TNS3: variants seen among roughly 807,000 people sequenced by gnomAD.
The protein encoded by TNS3 is tensin 3, also known as tensin-3.
In TNS3, 45 loss-of-function variants were observed where a neutral mutation model predicts 140.9. The ratio of observed to expected loss-of-function variants is 0.32; its 90% confidence interval spans 0.25 to 0.41. The LOEUF (loss-of-function observed/expected upper bound fraction) is 0.41. Ranked by LOEUF, TNS3 falls within the 10% of genes least tolerant of loss-of-function variation. TNS3 has a pLI of 1.00. For missense variants in TNS3, 1,716 were observed against 1,906.7 expected, an observed-to-expected ratio of 0.90 and a Z score of 1.86; for synonymous variants, 815 against 788.4, an observed-to-expected ratio of 1.03 and a Z score of -0.56.
intron 17 of TNS3, among the ~76,000 whole-genome samples, chr7:47,358,621 A>G (rs2151076410): frequency 6.6e-6 from 1 of 152,342 alleles, no homozygotes; most frequent in African/African-American, 2.4e-5. Flanking sequence ...GGGAGCCGGC[A>G]GTGCTCTCGG....
At chr7:47,299,056 AACCCTGAATTCTGGTGC>A (rs1386305702) in intron 23 of TNS3, among the ~76,000 whole-genome samples, 4 of 152,242 alleles carry the variant, frequency 2.6e-5, no homozygotes, top group Non-Finnish European at 5.9e-5. Flanking sequence ...CCTGGGAATA[AACCCTGAATTCTGGTGC>A]ACGTTTTCTC....
At chr7:47,498,875 G>A (rs1014932632) in intron 3 of TNS3, among the ~76,000 whole-genome samples, 6 of 152,182 alleles carry the variant, frequency 3.9e-5, no homozygotes, top group African/African-American at 7.2e-5. Flanking sequence ...ATAAAGCCCC[G>A]CAGATGCCGA....
chr7:47,333,831 A>G (rs1230123063), intron 20 of TNS3, among the ~76,000 whole-genome samples: 1 of 152,248 alleles, frequency 6.6e-6, no homozygotes, highest in Non-Finnish European at 1.5e-5. Flanking sequence ...ATTCTGAATT[A>G]AAAAACTAAA....
rs764049997 is a variant in TNS3, at chr7:47,368,818, G to A, written c.1828C>T (p.Arg610Trp). 1.6e-5 allele frequency: 25 copies of A among 1,611,756 alleles called. No homozygotes were observed. Among genetic ancestry groups the A allele is most frequent in the African/African-American group, 2.7e-5 (2 of 74,912 alleles). Reference protein sequence around the residue: ...QYSFAPDGEARLVSRCPADNP... With the variant: ...QYSFAPDGEAWLVSRCPADNP... Reference sequence around the variant, plus strand: ...TCTGCAGGGCAGCGGCTCACCAGCCGGGCCTCCCCATCTGGGGCGAAGCTA... The same window carrying A: ...TCTGCAGGGCAGCGGCTCACCAGCCAGGCCTCCCCATCTGGGGCGAAGCTA... The change falls in exon 17 of 31, where the codon CGG becomes TGG. Residue 610 changes from arginine to tryptophan, a missense_variant. Arg to Trp is a moderately radical substitution (Grantham distance 101). Around this residue, in one of 3 missense-constraint regions of TNS3, gnomAD observed 1,163 missense variants for 1,182.1 expected, o/e 0.98. Transcript: ENST00000311160.
At chr7:47,519,986 C>T (rs1184157544) in intron 2 of TNS3, among the ~76,000 whole-genome samples, 1 of 151,820 alleles carries the variant, frequency 6.6e-6, no homozygotes, top group Non-Finnish European at 1.5e-5. Context: ...ACCACACCTG[C>T]TAATTTTTTG....
Position 47,368,747 on chromosome 7 carries a change from G to T in TNS3, c.1899C>A (p.Pro633=), listed in dbSNP as rs1790863251. The T allele has an allele frequency of 6.3e-7, 1 of 1,583,128 alleles. No individual in the cohort carries two copies. Among genetic ancestry groups the T allele is most frequent in the Non-Finnish European group, 8.6e-7 (1 of 1,164,464 alleles). Reference sequence around the variant, plus strand: ...CCACCCTACTGCTGGTCCCTCGGGTGGGGGTGAGTGGCACTCTGGGCTGGG... The same window carrying T: ...CCACCCTACTGCTGGTCCCTCGGGTTGGGGTGAGTGGCACTCTGGGCTGGG... ...VQAQPRVPLT[P]TRGTSSRVAV... The change falls in exon 17 of 31, where the codon CCC becomes CCA. Residue 633 remains proline (P), a synonymous_variant. Transcript: ENST00000311160.
At chr7:47,578,002 A>G (rs1800713365) in intron 1 of TNS3, among the ~76,000 whole-genome samples, 1 of 151,510 alleles carries the variant, frequency 6.6e-6, no homozygotes, top group Non-Finnish European at 1.5e-5. Flanking sequence ...AGAGTAGTAG[A>G]CTACTGCCTT....
At chr7:47,545,903 C>A (rs934783287) in intron 1 of TNS3, among the ~76,000 whole-genome samples, 1 of 152,202 alleles carries the variant, frequency 6.6e-6, no homozygotes, top group Admixed American at 6.5e-5. Context: ...AAACTCCACC[C>A]CTACCACTTA....
chr7:47,496,805 G>A (rs955754367), intron 3 of TNS3, among the ~76,000 whole-genome samples: 1 of 152,240 alleles, frequency 6.6e-6, no homozygotes, highest in African/African-American at 2.4e-5. Flanking sequence ...CCTAGGCCCA[G>A]ATACCCTGGC....
rs1379014809 is a variant in TNS3 at position 47,542,913 on chromosome 7, A to T, written c.-264-13766T>A. 3.1e-5 allele frequency among the ~76,000 whole-genome samples: 4 copies of T among 128,472 alleles called. No homozygotes were observed. In the East Asian group the frequency reaches 9.4e-4, roughly 30 times the overall value. The allele number at this position is 128,472 out of a possible 152,430, so 84.3% of individuals were successfully genotyped here. A position where few individuals can be genotyped will look rare whatever the true frequency, so the allele number is the denominator to read the frequency against. On this transcript the variant is annotated intron_variant, in intron 1 of 30. Transcript: ENST00000311160. ...CCATTGCACTCCAACCACGGGGAAC[A>T]GTGCAAGACTGTCAAAAAAAAAAAA...
At chr7:47,419,480 C>T (rs1350252021) in intron 10 of TNS3, among the ~76,000 whole-genome samples, 1 of 152,224 alleles carries the variant, frequency 6.6e-6, no homozygotes, top group Non-Finnish European at 1.5e-5. Context: ...CTTGGCTATT[C>T]CTGGGCTTGG....
intron 16 of TNS3, among the ~76,000 whole-genome samples, chr7:47,370,654 G>A (rs1194287348): frequency 6.6e-6 from 1 of 152,220 alleles, no homozygotes; most frequent in African/African-American, 2.4e-5. Context: ...TAAAATAAGC[G>A]GGAGTTTGTA....
At chr7:47,576,545 G>T (rs1014896552) in intron 1 of TNS3, among the ~76,000 whole-genome samples, 10 of 152,218 alleles carry the variant, frequency 6.6e-5, no homozygotes, top group African/African-American at 1.7e-4. Flanking sequence ...GGCGCCCAGG[G>T]ACACCTCTAA....
intron 2 of TNS3, among the ~76,000 whole-genome samples, chr7:47,513,217 T>C (rs993298409): frequency 5.9e-5 from 9 of 152,194 alleles, no homozygotes; most frequent in African/African-American, 2.2e-4. Flanking sequence ...TCACCCAGGC[T>C]GGAGTGCAGT....
At chr7:47,400,512 T>G in intron 14 of TNS3, 54 bp from the exon 15 acceptor site, 1 of 1,572,478 alleles carries the variant, frequency 6.4e-7, no homozygotes, top group East Asian at 2.2e-5. Context: ...ACCGGAAAAG[T>G]ATGGACTGAC....
At chr7:47,422,486 G>A (rs535697852) in intron 10 of TNS3, among the ~76,000 whole-genome samples, 1 of 152,054 alleles carries the variant, frequency 6.6e-6, no homozygotes, top group Non-Finnish European at 1.5e-5. Flanking sequence ...GGTGATGTGC[G>A]CCTATAGTCT....
At chr7:47,497,174 T>A (rs1458744001) in intron 3 of TNS3, among the ~76,000 whole-genome samples, 1 of 152,168 alleles carries the variant, frequency 6.6e-6, no homozygotes, top group East Asian at 1.9e-4. Context: ...ATTTAACAGT[T>A]AATAAATAAA....
intron 23 of TNS3, among the ~76,000 whole-genome samples, chr7:47,297,785 G>GTTT (rs768611066): frequency 1.2e-4 from 17 of 136,298 alleles, no homozygotes; most frequent in Admixed American, 1.5e-4. Flanking sequence ...AAGGAAAGAA[G>GTTT]TTTTTTTTTT....
chr7:47,343,519 C>A (rs911813618), intron 20 of TNS3, among the ~76,000 whole-genome samples: 1 of 152,200 alleles, frequency 6.6e-6, no homozygotes, highest in Non-Finnish European at 1.5e-5. Flanking sequence ...GGGCTAGATG[C>A]CAGCCCAAAC....
Sources: gnomAD v4.1 joint callset for allele counts (sites outside exome capture counted in the v4.1 genomes callset) on GRCh38, gnomAD v4.1.1 for gene constraint, gnomAD v4.1.1 regional missense constraint, MANE v1.5 for transcripts, NCBI Gene and HGNC (gene_info 2026-07-23, HGNC 2026-07-21) for gene names.